Variants in RAE1 observed in about 807,000 individuals in gnomAD.
RAE1 encodes the protein mRNA export factor RAE1.
RAE1 carries 13 observed loss-of-function variants against 52.7 expected under a neutral mutation model. The ratio of observed to expected loss-of-function variants is 0.25; its 90% CI spans 0.16 to 0.39. The LOEUF is 0.39. RAE1 is among the 10% of genes least tolerant of loss of function. RAE1 has a pLI of 1.00. For missense variants in RAE1, 262 were observed against 459.8 expected, an observed-to-expected ratio of 0.57 and a Z score of 3.93; for synonymous variants, 164 against 153.1, an observed-to-expected ratio of 1.07 and a Z score of -0.52.
intron 1 of RAE1, chr20:57,351,683 C>T: frequency 4.1e-6 from 4 of 985,492 alleles, no homozygotes; most frequent in Non-Finnish European, 4.8e-6. Flanking sequence ...TGTGTGTCGC[C>T]TCTGTCCCTC....
intron 11 of RAE1, 82 bp downstream of exon 11, chr20:57,374,883 G>A (rs958229191): frequency 1.3e-6 from 2 of 1,507,792 alleles, no homozygotes; most frequent in Non-Finnish European, 1.8e-6. Flanking sequence ...CCTGAGTTGT[G>A]ACTCTTCTCA....
intron 4 of RAE1, 68 bp downstream of exon 4, chr20:57,356,606 A>G: frequency 1.5e-6 from 2 of 1,369,828 alleles, no homozygotes; most frequent in East Asian, 2.5e-5. Flanking sequence ...ATATTTAATA[A>G]TCCAAACACA....
intron 1 of RAE1, chr20:57,352,133 A>G (rs2066719414): frequency 4.0e-6 from 1 of 248,100 alleles, no homozygotes; most frequent in Admixed American, 6.5e-5. Context: ...GGTGACTTTA[A>G]AAAAGAATAC....
intron 3 of RAE1, among the ~76,000 whole-genome samples, chr20:57,355,491 A>G (rs369514319): frequency 3.3e-4 from 50 of 152,350 alleles, no homozygotes; most frequent in African/African-American, 1.2e-3. Flanking sequence ...TGGCTTTTCC[A>G]CAGGATAATT....
chr20:57,359,990 G>A (rs1275878151), intron 4 of RAE1: 2 of 152,202 alleles, frequency 1.3e-5, no homozygotes, highest in Non-Finnish European at 2.9e-5. Context: ...GGCTAGAGTT[G>A]TCTGAGTGGT....
At chr20:57,371,021 A>G (rs1375116648) in intron 8 of RAE1, 1 of 152,132 alleles carries the variant, frequency 6.6e-6, no homozygotes, top group Non-Finnish European at 1.5e-5. Flanking sequence ...CTCCTGTCTC[A>G]CTAATCCTCA....
At chr20:57,351,639 A>T in intron 1 of RAE1, 1 of 985,422 alleles carries the variant, frequency 1.0e-6, no homozygotes, top group Non-Finnish European at 1.2e-6. Context: ...GGGGGAACTG[A>T]GCCTCTGGGA....
intron 7 of RAE1, among the ~76,000 whole-genome samples, chr20:57,368,483 A>G (rs186410299): frequency 8.3e-4 from 126 of 152,312 alleles, no homozygotes; most frequent in African/African-American, 3.0e-3. Context: ...TATATTTTCT[A>G]AATATCCACA....
intron 5 of RAE1, 136 bp from the exon 6 acceptor site, chr20:57,366,671 C>A: frequency 1.3e-6 from 1 of 788,868 alleles, no homozygotes; most frequent in Non-Finnish European, 2.2e-6. Context: ...TGGTAAAATG[C>A]TAAGTATGTT....
At position 57,354,856 on chromosome 20, in the gene RAE1, C is replaced by T. The variant is rs746460699; in HGVS notation, c.195+40C>T. 3.5e-5 allele frequency: 50 copies of T among 1,436,168 alleles called. 1 individual carries two copies. In the South Asian group the frequency reaches 6.0e-4, roughly 17 times the overall value. 89.0% of individuals were successfully genotyped at this position (1,436,168 alleles called of 1,614,324 possible). A position where few individuals can be genotyped will look rare whatever the true frequency, so the allele number is the denominator to read the frequency against. On this transcript the variant is annotated intron_variant, in intron 3 of 11. Transcript: ENST00000395841. The stretch of plus-strand genomic sequence containing the variant: ...AATACGTGTTCTAGAAATCATCTCT[C>T]TTTGTATGGCCAAGGTTAGCTTTAG...
intron 8 of RAE1, among the ~76,000 whole-genome samples, chr20:57,370,405 G>C (rs112736706): frequency 0.018 from 2,779 of 152,254 alleles, 84 homozygotes; most frequent in African/African-American, 0.063. Context: ...TATCCTTGCT[G>C]GCTCTTGGCT....
At chr20:57,367,171 A>G (rs865995221) in intron 7 of RAE1, 92 bp downstream of exon 7, 7 of 1,117,134 alleles carry the variant, frequency 6.3e-6, no homozygotes, top group Middle Eastern at 2.2e-4. Context: ...GTGAGTGGAT[A>G]ATATAAAAAT....
Position 57,354,171 on chromosome 20 carries a change from C to G in RAE1, c.90+43C>G, listed in dbSNP as rs141797756. On this transcript the variant is annotated intron_variant, in intron 2 of 11. Transcript: ENST00000395841. The stretch of plus-strand genomic sequence containing the variant: ...CTGGGGCTTGTAGGAAGAGTTTGGG[C>G]AGAGTTTCTCCCATCAAGGACAGAA... 562 of 1,547,838 alleles carry G rather than the reference C, an allele frequency of 3.6e-4. 2 individuals are homozygous for G. The African/African-American group carries it at 5.7e-3, about 16-fold the overall frequency.
chr20:57,373,631 A>G (rs763300701), intron 9 of RAE1, 32 bp from the exon 10 acceptor site: 1 of 1,613,632 alleles, frequency 6.2e-7, no homozygotes, highest in South Asian at 1.1e-5. Context: ...TTTTTTAACA[A>G]AGGAAGACTT....
rs1207785038 is a variant in RAE1, at chr20:57,378,297, C to G, written c.*198C>G. On this transcript the variant is annotated 3_prime_UTR_variant, in exon 12 of 12. Coordinates refer to ENST00000395841, the MANE Select transcript of RAE1 (RefSeq NM_003610.4). ...CGTCTCTCCATTCCACTGCCTGTTG[C>G]AGAGTTTTTCTGTAACTAAGGGGGT... 2 of 532,302 alleles carry G rather than the reference C, an allele frequency of 3.8e-6. No homozygotes were observed. Among genetic ancestry groups the G allele is most frequent in the Non-Finnish European group, 6.7e-6 (2 of 297,890 alleles). The allele number at this position is 532,302 out of a possible 1,614,324, so 33.0% of individuals were successfully genotyped here. A position where few individuals can be genotyped will look rare whatever the true frequency, so the allele number is the denominator to read the frequency against.
intron 10 of RAE1, among the ~76,000 whole-genome samples, chr20:57,374,149 G>A (rs987829949): frequency 6.6e-5 from 10 of 152,190 alleles, no homozygotes; most frequent in African/African-American, 2.4e-4. Flanking sequence ...CAAAGTGCTG[G>A]GATTACAGGC....
At chr20:57,364,935 A>G (rs777741490) in intron 4 of RAE1, among the ~76,000 whole-genome samples, 14 of 152,054 alleles carry the variant, frequency 9.2e-5, no homozygotes, top group Non-Finnish European at 1.9e-4. Flanking sequence ...AATGTGACAG[A>G]ATGTTTACAA....
At chr20:57,356,599 T>G in intron 4 of RAE1, 61 bp downstream of exon 4, 8 of 1,421,064 alleles carry the variant, frequency 5.6e-6, no homozygotes, top group Non-Finnish European at 6.8e-6. Flanking sequence ...ATTTAGAATA[T>G]TTAATAATCC....
chr20:57,376,995 T>G (rs2067125463), intron 11 of RAE1, among the ~76,000 whole-genome samples: 1 of 152,250 alleles, frequency 6.6e-6, no homozygotes, highest in Non-Finnish European at 1.5e-5. Context: ...AAGAGAAATT[T>G]GCTTCAGGGG....
Sources: gnomAD v4.1 joint callset for allele counts (sites outside exome capture counted in the v4.1 genomes callset) on GRCh38, gnomAD v4.1.1 for gene constraint, MANE v1.5 for transcripts, NCBI Gene and HGNC (gene_info 2026-07-23, HGNC 2026-07-21) for gene names.